The following EXOG variants were observed in gnomAD, a reference collection of about 807,000 sequenced individuals.
EXOG encodes nuclease EXOG, mitochondrial.
A neutral mutation model predicts 25.8 loss-of-function variants in EXOG; 27 were observed. The ratio of observed to expected loss-of-function variants is 1.05; its 90% CI spans 0.77 to 1.45. The LOEUF (loss-of-function observed/expected upper bound fraction) is 1.45. Among genes scored for constraint, EXOG ranks in the 40% most tolerant of loss-of-function variants. The pLI, the probability that EXOG is intolerant of heterozygous loss-of-function variation, is 0.00. For synonymous variants in EXOG, 133 were observed against 167.0 expected (o/e 0.80, Z 1.57); for missense variants, 458 against 450.5 (o/e 1.02, Z -0.15).
At position 38,503,818 on chromosome 3, in the gene EXOG, A is replaced by G. The variant is rs944086518; in HGVS notation, c.530+127A>G. ...AAAAGCTAAGCCTCTGAAGGTAAGT[A>G]TGTTGGGCCAGTTTTCTTTGCTGTG... On this transcript the variant is annotated intron_variant, in intron 4 of 5. Coordinates refer to ENST00000287675, the MANE Select transcript of EXOG (RefSeq NM_005107.4). 32 of 537,790 alleles carry G rather than the reference A, an allele frequency of 6.0e-5. No homozygotes were observed. The Middle Eastern group carries it at 1.2e-3, about 20-fold the overall frequency. The allele number at this position is 537,790 out of a possible 1,614,324, so 33.3% of individuals were successfully genotyped here.
Position 38,524,221 on chromosome 3 carries a change from G to C in EXOG, c.966G>C (p.Val322=). 6.2e-7 allele frequency: 1 copy of C among 1,614,144 alleles called. No individual in the cohort carries two copies. The highest frequency in any genetic ancestry group is 8.5e-7 in the Non-Finnish European group (1 of 1,179,980). Residue 322 remains valine, a synonymous_variant, in exon 6 of 6, where the codon GTG becomes GTC. Coordinates refer to ENST00000287675, the MANE Select transcript of EXOG (RefSeq NM_005107.4). ...STRKIEGARS[V]LRLEKIMENL... ...GAAAGATTGAAGGAGCCCGATCAGT[G>C]CTCAGACTGGAAAAGATCATGGAAA...
chr3:38,522,609 ATTC>A (rs2060752963), intron 5 of EXOG, among the ~76,000 whole-genome samples: 1 of 152,178 alleles, frequency 6.6e-6, no homozygotes, highest in Admixed American at 6.5e-5. Context: ...GGTTCAAGTG[ATTC>A]TTTTGCCTCA....
intron 5 of EXOG, among the ~76,000 whole-genome samples, chr3:38,513,374 A>G (rs755894110): frequency 4.6e-5 from 7 of 152,196 alleles, no homozygotes; most frequent in Non-Finnish European, 2.9e-5. Flanking sequence ...CTATTAGAAA[A>G]TATTTAACCA....
rs1351651239 is a variant in EXOG at position 38,496,492 on chromosome 3, A to G, written c.125A>G (p.Gln42Arg). The G allele has an allele frequency of 6.2e-7, 1 of 1,613,456 alleles. No individual in the cohort carries two copies. The highest frequency in any genetic ancestry group is 2.2e-5 in the East Asian group (1 of 44,868). ...GLAALQFFRSQGAEGALTGKQ... is the reference protein window; with the variant it reads ...GLAALQFFRSRGAEGALTGKQ... Reference sequence around the variant, plus strand: ...GCGGCCCTGCAGTTCTTCCGGAGTCAGGGCGCTGAGGGAGCGTTGACAGGG... The same window carrying G: ...GCGGCCCTGCAGTTCTTCCGGAGTCGGGGCGCTGAGGGAGCGTTGACAGGG... The change falls in exon 1 of 6, where the codon CAG (glutamine) becomes CGG (arginine). Residue 42 changes from glutamine to arginine, a missense_variant. This residue lies in a region of EXOG where 275 missense variants were observed against 230.5 expected (regional missense o/e 1.19). Coordinates refer to ENST00000287675, the MANE Select transcript of EXOG (RefSeq NM_005107.4).
intron 2 of EXOG, among the ~76,000 whole-genome samples, chr3:38,500,617 CTGAG>C (rs1382746494): frequency 6.6e-6 from 1 of 152,168 alleles, no homozygotes; most frequent in Non-Finnish European, 1.5e-5. Flanking sequence ...GAATAACAGT[CTGAG>C]TATGTTTCAT....
rs572557991 is a variant in EXOG at position 38,521,918 on chromosome 3, A to T, written c.646-1983A>T. 1.5e-4 allele frequency among the ~76,000 whole-genome samples: 23 copies of T among 152,300 alleles called. 2 individuals carry two copies. The highest frequency in any genetic ancestry group is 1.5e-3 in the Admixed American group (23 of 15,302). On this transcript the variant is annotated intron_variant, in intron 5 of 5. Transcript: ENST00000287675. Reference sequence around the variant, plus strand: ...ACAGGACCTCTGAGTTGCATTGTTGAATTAACATCTTTTGGTTATTTGTGA... The same window carrying T: ...ACAGGACCTCTGAGTTGCATTGTTGTATTAACATCTTTTGGTTATTTGTGA...
chr3:38,522,658 C>A (rs752229551), intron 5 of EXOG, among the ~76,000 whole-genome samples: 1 of 152,134 alleles, frequency 6.6e-6, no homozygotes, highest in Non-Finnish European at 1.5e-5. Flanking sequence ...GCATGCGCCA[C>A]CACGCCCAGC....
intron 5 of EXOG, among the ~76,000 whole-genome samples, chr3:38,519,575 A>G (rs1424354441): frequency 2.6e-5 from 4 of 152,102 alleles, no homozygotes; most frequent in Admixed American, 6.5e-5. Flanking sequence ...CTCTTGCTTT[A>G]TATTTAGGGA....
intron 5 of EXOG, among the ~76,000 whole-genome samples, chr3:38,521,670 A>G (rs1203302489): frequency 6.6e-6 from 1 of 152,128 alleles, no homozygotes; most frequent in African/African-American, 2.4e-5. Flanking sequence ...CTCTTTGCAA[A>G]CTATGGCTCA....
At chr3:38,520,207 T>C (rs929095084) in intron 5 of EXOG, among the ~76,000 whole-genome samples, 1 of 152,086 alleles carries the variant, frequency 6.6e-6, no homozygotes, top group Non-Finnish European at 1.5e-5. Context: ...GTGGCACAGG[T>C]GGTGGTGGCA....
intron 5 of EXOG, among the ~76,000 whole-genome samples, chr3:38,507,467 CTTATGG>C (rs1344026272): frequency 1.3e-5 from 2 of 152,102 alleles, no homozygotes; most frequent in African/African-American, 4.8e-5. Context: ...AAAATTGGAG[CTTATGG>C]TACAAAACAG....
In EXOG at chr3:38,524,786, A is replaced by T. The variant is rs146476478; in HGVS notation, c.*424A>T. 1 of 990,004 alleles carries T rather than the reference A, an allele frequency of 1.0e-6. No homozygotes were observed. Among genetic ancestry groups the T allele is most frequent in the East Asian group, 1.1e-4 (1 of 8,944 alleles). 61.3% of individuals were successfully genotyped at this position (990,004 alleles called of 1,614,324 possible). The stretch of plus-strand genomic sequence containing the variant: ...CAGATGGAGGGCTGATCTTGTGTCA[A>T]GTTAACAGGAAGACTGCCCACAGAT... On this transcript the variant is annotated 3_prime_UTR_variant, in exon 6 of 6. Coordinates refer to ENST00000287675, the MANE Select transcript of EXOG (RefSeq NM_005107.4).
At chr3:38,515,959 C>G (rs79329480) in intron 5 of EXOG, 3 of 152,124 alleles carry the variant, frequency 2.0e-5, no homozygotes, top group Non-Finnish European at 4.4e-5. Context: ...CAGTCACACA[C>G]TTTGATTTTG....
chr3:38,515,942 T>A (rs2060529810), intron 5 of EXOG: 1 of 152,156 alleles, frequency 6.6e-6, no homozygotes, highest in African/African-American at 2.4e-5. Flanking sequence ...TGCAGATGAA[T>A]TTTTTTCAGT....
At position 38,523,952 on chromosome 3, in the gene EXOG, C is replaced by T; in HGVS notation, c.697C>T (p.Leu233=). 2.5e-6 allele frequency: 4 copies of T among 1,603,346 alleles called. No individual in the cohort carries two copies. Among genetic ancestry groups the T allele is most frequent in the Non-Finnish European group, 2.6e-6 (3 of 1,174,444 alleles). ...AVPSHLYKVI[L]ARRSSVSTEP... ...CCCCTCACACCTTTATAAGGTAATCCTGGCCCGCAGAAGCTCAGTATCTAC... is the reference window on the plus strand; with the variant it reads ...CCCCTCACACCTTTATAAGGTAATCTTGGCCCGCAGAAGCTCAGTATCTAC... Residue 233 remains leucine, a synonymous_variant, in exon 6 of 6, where the codon CTG becomes TTG. Transcript: ENST00000287675.
intron 5 of EXOG, among the ~76,000 whole-genome samples, chr3:38,513,113 TTTAA>T: frequency 6.6e-6 from 1 of 152,342 alleles, no homozygotes; most frequent in East Asian, 1.9e-4. Context: ...TATGTTATTT[TTTAA>T]TTAGTTTATA....
intron 2 of EXOG, 159 bp downstream of exon 2, chr3:38,497,937 G>T: frequency 1.1e-6 from 1 of 934,906 alleles, no homozygotes; most frequent in Non-Finnish European, 1.5e-6. Context: ...ACCCTGCCTG[G>T]CAGCCAGAAA....
At chr3:38,520,473 T>G (rs1452902787) in intron 5 of EXOG, among the ~76,000 whole-genome samples, 1 of 152,230 alleles carries the variant, frequency 6.6e-6, no homozygotes, top group African/African-American at 2.4e-5. Flanking sequence ...ACTCACTGAT[T>G]AACTAGACTT....
At chr3:38,511,119 A>G (rs1055328115) in intron 5 of EXOG, among the ~76,000 whole-genome samples, 117 of 152,310 alleles carry the variant, frequency 7.7e-4, no homozygotes, top group African/African-American at 2.6e-3. Flanking sequence ...CATGCTCCAA[A>G]CTTATATTCT....
Sources: gnomAD v4.1 joint callset for allele counts (sites outside exome capture counted in the v4.1 genomes callset) on GRCh38, gnomAD v4.1.1 for gene constraint, gnomAD v4.1.1 regional missense constraint, MANE v1.5 for transcripts, NCBI Gene and HGNC (gene_info 2026-07-23, HGNC 2026-07-21) for gene names.